Variants in CDH8 observed in about 807,000 individuals in gnomAD.
The protein encoded by CDH8 is cadherin 8, also known as cadherin-8.
A neutral mutation model predicts 68.1 loss-of-function variants in CDH8; 17 were observed. The ratio of observed to expected loss-of-function variants is 0.25; its 90% CI spans 0.17 to 0.37. The LOEUF (loss-of-function observed/expected upper bound fraction) is 0.37, where lower values mean the gene tolerates loss of function less well. Among genes scored for constraint, CDH8 ranks in the 10% least tolerant of loss-of-function variants. CDH8 has a pLI of 1.00. For missense variants in CDH8, 763 were observed against 999.3 expected, an observed-to-expected ratio of 0.76 and a Z score of 3.19; for synonymous variants, 372 against 365.1, an observed-to-expected ratio of 1.02 and a Z score of -0.21.
At chr16:61,927,476 AT>A (rs1964473147) in intron 2 of CDH8, among the ~76,000 whole-genome samples, 1 of 152,206 alleles carries the variant, frequency 6.6e-6, no homozygotes, top group Non-Finnish European at 1.5e-5. Context: ...TAATTCTAGA[AT>A]TCTATTTGAA....
intron 4 of CDH8, among the ~76,000 whole-genome samples, chr16:61,849,267 G>A (rs1232320509): frequency 4.6e-5 from 7 of 151,392 alleles, no homozygotes; most frequent in Non-Finnish European, 7.4e-5. Context: ...CCTGTCTCCC[G>A]CCTGTCTTCT....
At chr16:61,778,344 T>G (rs1017464084) in intron 8 of CDH8, among the ~76,000 whole-genome samples, 6 of 152,074 alleles carry the variant, frequency 3.9e-5, no homozygotes, top group African/African-American at 4.8e-5. Context: ...CCTGCTTCAT[T>G]ATGAGGGCCG....
At chr16:61,709,127 G>T (rs541616961) in intron 10 of CDH8, among the ~76,000 whole-genome samples, 75 of 152,112 alleles carry the variant, frequency 4.9e-4, no homozygotes, top group African/African-American at 1.8e-3. Flanking sequence ...TTTTATAAAG[G>T]ACACTTGAAC....
At chr16:61,824,833 A>T (rs1046565422) in intron 5 of CDH8, among the ~76,000 whole-genome samples, 179 bp downstream of exon 5, 3 of 151,966 alleles carry the variant, frequency 2.0e-5, no homozygotes, top group Admixed American at 1.3e-4. Flanking sequence ...AAATGGTATC[A>T]ACTGTTTTGT....
At position 61,656,161 on chromosome 16, in the gene CDH8, T is replaced by C. The variant is rs376681043; in HGVS notation, c.1655-440A>G. 2.9e-4 allele frequency among the ~76,000 whole-genome samples: 44 copies of C among 152,290 alleles called. No individual in the cohort carries two copies. The East Asian group carries it at 3.7e-3, about 13-fold the overall frequency. On this transcript the variant is annotated intron_variant, in intron 10 of 11. Transcript: ENST00000577390. ...TGCTGGGGGTACAGGCGTGAGCCACTGCGCCCGGCCTGCGCTTTTTCAATC... is the reference window on the plus strand; with the variant it reads ...TGCTGGGGGTACAGGCGTGAGCCACCGCGCCCGGCCTGCGCTTTTTCAATC...
chr16:61,850,396 A>C (rs1304854531), intron 4 of CDH8, among the ~76,000 whole-genome samples: 1 of 152,060 alleles, frequency 6.6e-6, no homozygotes, highest in East Asian at 1.9e-4. Context: ...CCTCACTTCC[A>C]ACATTGGAGG....
At chr16:61,981,195 T>G (rs1044378209) in intron 2 of CDH8, among the ~76,000 whole-genome samples, 6 of 152,220 alleles carry the variant, frequency 3.9e-5, no homozygotes, top group Non-Finnish European at 8.8e-5. Context: ...ATCACTTAAA[T>G]AGTGAAGTAA....
chr16:61,743,918 G>A (rs917824473), intron 8 of CDH8, among the ~76,000 whole-genome samples: 1 of 151,820 alleles, frequency 6.6e-6, no homozygotes, highest in Admixed American at 6.6e-5. Context: ...TGTTTTTCAT[G>A]GGTTATTTAG....
At chr16:61,826,219 C>T (rs1370905353) in intron 4 of CDH8, among the ~76,000 whole-genome samples, 1 of 151,828 alleles carries the variant, frequency 6.6e-6, no homozygotes, top group Non-Finnish European at 1.5e-5. Context: ...CTTGTCACTG[C>T]ATAGAAGTTC....
chr16:62,034,192 AACAC>A (rs71134383), intron 1 of CDH8, among the ~76,000 whole-genome samples: 11 of 147,286 alleles, frequency 7.5e-5, no homozygotes, highest in East Asian at 2.0e-4. Flanking sequence ...CTCTCTCTCA[AACAC>A]ACACACACAC....
At chr16:61,665,802 T>TTC (rs750793666) in intron 10 of CDH8, among the ~76,000 whole-genome samples, 4,419 of 132,212 alleles carry the variant, frequency 0.033, 68 homozygotes, top group African/African-American at 0.043. Flanking sequence ...CTTCCTTCCT[T>TTC]CCTTTCCCTC....
At chr16:61,707,100 G>A (rs1253475310) in intron 10 of CDH8, among the ~76,000 whole-genome samples, 3 of 152,118 alleles carry the variant, frequency 2.0e-5, no homozygotes. Flanking sequence ...GGCCCATCGA[G>A]TAAGGGAAAA....
At chr16:61,739,766 A>C (rs1596919014) in intron 8 of CDH8, among the ~76,000 whole-genome samples, 1 of 148,894 alleles carries the variant, frequency 6.7e-6, no homozygotes, top group East Asian at 2.0e-4. Flanking sequence ...AAAGAAAAAC[A>C]AACAAACAAA....
At chr16:61,820,278 G>A (rs1254736903) in intron 6 of CDH8, among the ~76,000 whole-genome samples, 1 of 146,016 alleles carries the variant, frequency 6.8e-6, no homozygotes, top group Non-Finnish European at 1.5e-5. Flanking sequence ...ACTAGAGAAA[G>A]CCAGGATAAC....
At position 61,903,813 on chromosome 16, in the gene CDH8, T is replaced by A. The variant is rs1234304307; in HGVS notation, c.253-2340A>T. Among the ~76,000 whole-genome samples the A allele has an allele frequency of 2.0e-5, 3 of 152,194 alleles. No individual in the cohort carries two copies. The East Asian group carries it at 5.8e-4, about 29-fold the overall frequency. ...TTATTAAAACAGAGAAGAGGCACTA[T>A]TAAGTGACCATTTTTACTTCATATC... On this transcript the variant is annotated intron_variant, in intron 2 of 11. Transcript: ENST00000577390.
At chr16:61,767,818 A>G (rs1960632012) in intron 8 of CDH8, among the ~76,000 whole-genome samples, 1 of 151,966 alleles carries the variant, frequency 6.6e-6, no homozygotes, top group African/African-American at 2.4e-5. Flanking sequence ...ACAATAAAAA[A>G]TAATATGTCT....
At chr16:61,661,631 A>T in intron 10 of CDH8, among the ~76,000 whole-genome samples, 1 of 151,826 alleles carries the variant, frequency 6.6e-6, no homozygotes, top group South Asian at 2.1e-4. Flanking sequence ...TATCTGTATT[A>T]AAAAAGCAGA....
intron 4 of CDH8, among the ~76,000 whole-genome samples, chr16:61,827,328 T>C (rs1389023216): frequency 1.3e-5 from 2 of 151,888 alleles, no homozygotes; most frequent in African/African-American, 4.8e-5. Context: ...ATGGAGCTTC[T>C]AACAATCAGA....
chr16:61,768,353 T>TCC (rs1960665040), intron 8 of CDH8, among the ~76,000 whole-genome samples: 21 of 109,422 alleles, frequency 1.9e-4, no homozygotes, highest in African/African-American at 6.2e-4. Flanking sequence ...TCTCTCTCTC[T>TCC]CTCTCTCTCT....
Sources: gnomAD v4.1 joint callset for allele counts (sites outside exome capture counted in the v4.1 genomes callset) on GRCh38, gnomAD v4.1.1 for gene constraint, MANE v1.5 for transcripts, NCBI Gene and HGNC (gene_info 2026-07-23, HGNC 2026-07-21) for gene names.